FRMD6: variants seen among roughly 807,000 people sequenced by gnomAD.
FRMD6 encodes the protein FERM domain-containing protein 6.
A neutral mutation model predicts 73.2 loss-of-function variants in FRMD6; 37 were observed. The ratio of observed to expected loss-of-function variants is 0.51; its 90% CI spans 0.39 to 0.66. The LOEUF (loss-of-function observed/expected upper bound fraction) is 0.66. Ranked by LOEUF, FRMD6 falls within the 30% of genes least tolerant of loss-of-function variation. FRMD6 has a pLI of 0.00. For missense variants in FRMD6, 714 were observed against 780.5 expected (o/e 0.91, Z 1.02); for synonymous variants, 273 against 282.2 (o/e 0.97, Z 0.33).
At chr14:51,681,986 T>C (rs1197429165) in intron 1 of FRMD6, among the ~76,000 whole-genome samples, 1 of 152,222 alleles carries the variant, frequency 6.6e-6, no homozygotes, top group South Asian at 2.1e-4. Flanking sequence ...CGTGATTCTG[T>C]AAAACACATT....
intron 1 of FRMD6, among the ~76,000 whole-genome samples, chr14:51,656,915 A>C (rs1048051563): frequency 3.3e-5 from 5 of 152,174 alleles, no homozygotes; most frequent in African/African-American, 1.2e-4. Context: ...GTGTTTTCAG[A>C]TGTTTTCCAA....
chr14:51,570,022 A>G (rs369235438), intron 1 of FRMD6, among the ~76,000 whole-genome samples: 117 of 152,072 alleles, frequency 7.7e-4, no homozygotes, highest in Admixed American at 1.8e-3. Flanking sequence ...TCACCATGTT[A>G]GCCAGGATGG....
intron 2 of FRMD6, among the ~76,000 whole-genome samples, chr14:51,588,671 G>T (rs919353614): frequency 3.3e-5 from 5 of 152,160 alleles, no homozygotes; most frequent in African/African-American, 1.2e-4. Flanking sequence ...ACCCCAGGCT[G>T]CCCCAACCTC....
intron 2 of FRMD6, among the ~76,000 whole-genome samples, chr14:51,693,785 G>C (rs1017721733): frequency 6.6e-6 from 1 of 152,146 alleles, no homozygotes; most frequent in Non-Finnish European, 1.5e-5. Flanking sequence ...GCAGGTCTAA[G>C]GTAGGACACA....
chr14:51,628,762 C>T (rs1238828395), intron 2 of FRMD6, among the ~76,000 whole-genome samples: 1 of 132,874 alleles, frequency 7.5e-6, no homozygotes, highest in Non-Finnish European at 1.6e-5. Flanking sequence ...GATCATGCCA[C>T]TCCACTCCAG....
chr14:51,429,124 G>A, the FRMD6 span, among the ~76,000 whole-genome samples: 1 of 152,168 alleles, frequency 6.6e-6, no homozygotes, highest in African/African-American at 2.4e-5. Flanking sequence ...AAGGCACCAA[G>A]CATGTGAATA....
chr14:51,440,521 G>C, the FRMD6 span, among the ~76,000 whole-genome samples: 2 of 152,204 alleles, frequency 1.3e-5, no homozygotes, highest in Non-Finnish European at 2.9e-5. Flanking sequence ...TGTCCTAACT[G>C]CACACGTTTA....
intron 1 of FRMD6, among the ~76,000 whole-genome samples, chr14:51,525,070 A>AATAG (rs75865493): frequency 0.046 from 4,701 of 101,790 alleles, 137 homozygotes; most frequent in East Asian, 0.09. Context: ...AGACAAATAG[A>AATAG]ATAGATAGAT....
At chr14:51,513,163 C>T (rs1386594944) in intron 1 of FRMD6, among the ~76,000 whole-genome samples, 2 of 152,188 alleles carry the variant, frequency 1.3e-5, no homozygotes, top group African/African-American at 2.4e-5. Flanking sequence ...GCCTTCTGAA[C>T]CTGGGCCTAG....
chr14:51,705,311 C>T (rs146989562), intron 6 of FRMD6, among the ~76,000 whole-genome samples: 2 of 152,020 alleles, frequency 1.3e-5, no homozygotes, highest in Non-Finnish European at 2.9e-5. Context: ...TCCTTTGCTG[C>T]GAGAACAAGT....
At chr14:51,536,331 A>G (rs995920401) in intron 1 of FRMD6, among the ~76,000 whole-genome samples, 3 of 152,100 alleles carry the variant, frequency 2.0e-5, no homozygotes, top group African/African-American at 7.2e-5. Context: ...GCCCCAAGTG[A>G]TCATTCCTGC....
At chr14:51,493,157 G>GAAAAAATTTAA (rs1179726760) in intron 1 of FRMD6, among the ~76,000 whole-genome samples, 1 of 152,112 alleles carries the variant, frequency 6.6e-6, no homozygotes, top group South Asian at 2.1e-4. Flanking sequence ...GTGTTTACAT[G>GAAAAAATTTAA]AAAAAATTTA....
chr14:51,477,695 GTTCTTTTCTTT>G, the FRMD6 span, among the ~76,000 whole-genome samples: 7 of 150,364 alleles, frequency 4.7e-5, no homozygotes, highest in East Asian at 3.9e-4. Flanking sequence ...ATGAGCTAGT[GTTCTTTTCTTT>G]TTCTTTTCTT....
the FRMD6 span, among the ~76,000 whole-genome samples, chr14:51,448,041 T>C: frequency 6.6e-6 from 1 of 152,214 alleles, no homozygotes; most frequent in Admixed American, 6.5e-5. Context: ...TCTTTTCTCT[T>C]TGGATACTTT....
At position 51,720,182 on chromosome 14, in the gene FRMD6, T is replaced by G. The variant is rs1897463094; in HGVS notation, c.1152T>G (p.His384Gln). The G allele has an allele frequency of 6.2e-7, 1 of 1,614,004 alleles. No individual in the cohort carries two copies. Residue 384 changes from histidine to glutamine, a missense_variant, in exon 11 of 14, where the codon CAT (histidine) becomes CAG (glutamine). By Grantham distance (24) the His-to-Gln change is conservative. Coordinates refer to ENST00000344768, the MANE Select transcript of FRMD6 (RefSeq NM_001267046.2). ...TGAAACACAAGCGCCTGTCCCGTCATTCCACCGCCAGCCACAGCAGTTCCC... is the reference window on the plus strand; with the variant it reads ...TGAAACACAAGCGCCTGTCCCGTCAGTCCACCGCCAGCCACAGCAGTTCCC... ...GSMKHKRLSR[H>Q]STASHSSSHT... is the part of the protein sequence containing the mutation.
intron 1 of FRMD6, among the ~76,000 whole-genome samples, chr14:51,677,545 A>G (rs1566556200): frequency 6.6e-6 from 1 of 152,034 alleles, no homozygotes; most frequent in Non-Finnish European, 1.5e-5. Context: ...GGTTGAAAGG[A>G]ATTTTTGTGC....
chr14:51,705,451 C>T (rs931008663), intron 6 of FRMD6, among the ~76,000 whole-genome samples: 1 of 152,074 alleles, frequency 6.6e-6, no homozygotes, highest in African/African-American at 2.4e-5. Context: ...TCCACCCTGT[C>T]TGTTTCTCTT....
At chr14:51,555,609 C>G (rs1374513369) in intron 1 of FRMD6, among the ~76,000 whole-genome samples, 2 of 152,014 alleles carry the variant, frequency 1.3e-5, no homozygotes, top group Non-Finnish European at 2.9e-5. Context: ...TTGAGACCAG[C>G]CTGACCAACA....
At chr14:51,459,884 CTTTTTTT>C in the FRMD6 span, among the ~76,000 whole-genome samples, 36 of 74,650 alleles carry the variant, frequency 4.8e-4, 3 homozygotes, top group Non-Finnish European at 6.2e-4. Context: ...TACTGACTCT[CTTTTTTT>C]TTTTTTTTTT....
Sources: gnomAD v4.1 joint callset for allele counts (sites outside exome capture counted in the v4.1 genomes callset) on GRCh38, gnomAD v4.1.1 for gene constraint, MANE v1.5 for transcripts, NCBI Gene and HGNC (gene_info 2026-07-23, HGNC 2026-07-21) for gene names.